Variants in STK10 observed in about 807,000 individuals in gnomAD.
The protein encoded by STK10 is serine/threonine kinase 10, also known as serine/threonine-protein kinase 10.
Under a neutral mutation model 113.8 loss-of-function variants are expected in STK10, and 78 were observed. The observed-to-expected ratio is 0.69, with a 90% confidence interval of 0.57 to 0.83. The LOEUF (loss-of-function observed/expected upper bound fraction) is 0.83. Among genes scored for constraint, STK10 ranks in the 40% least tolerant of loss-of-function variants. The pLI is 0.00. For missense variants in STK10, 1,109 were observed against 1,280.1 expected (o/e 0.87, Z 2.04); for synonymous variants, 465 against 494.7 (o/e 0.94, Z 0.80).
intron 10 of STK10, among the ~76,000 whole-genome samples, chr5:172,088,387 G>A (rs1208657401): frequency 6.6e-6 from 1 of 152,116 alleles, no homozygotes; most frequent in African/African-American, 2.4e-5. Context: ...AGCCGGGCAT[G>A]GTGGCGGGCA....
At chr5:172,152,184 C>G (rs1770248325) in intron 2 of STK10, among the ~76,000 whole-genome samples, 1 of 152,244 alleles carries the variant, frequency 6.6e-6, no homozygotes. Flanking sequence ...TTCATACCGT[C>G]TGTTTCTGCC....
At chr5:172,106,420 G>GAAAAAAAAAAAAAAAAAAAAAAAAAAAAA (rs1416660493) in intron 6 of STK10, among the ~76,000 whole-genome samples, 200 bp downstream of exon 6, 1 of 45,400 alleles carries the variant, frequency 2.2e-5, no homozygotes, top group Non-Finnish European at 5.1e-5. Context: ...AAAAAAAAAG[G>GAAAAAAAAAAAAAAAAAAAAAAAAAAAAA]AACACAAAGG....
At chr5:172,123,195 C>T (rs1448213793) in intron 3 of STK10, among the ~76,000 whole-genome samples, 1 of 152,220 alleles carries the variant, frequency 6.6e-6, no homozygotes, top group African/African-American at 2.4e-5. Flanking sequence ...GGGCAGAAAC[C>T]CCTCTAAGCA....
In STK10 at chr5:172,064,819, C is replaced by G; in HGVS notation, c.1990-7G>C. On this transcript the variant is annotated splice_polypyrimidine_tract_variant and splice_region_variant and intron_variant, in intron 12 of 18. Transcript: ENST00000176763. ...TCTCCACCTCGTTCTTCACCTGCAG[C>G]AGAGACAGCAGAGAGTAGCTGGGTC... 1.9e-6 allele frequency: 3 copies of G among 1,613,990 alleles called. No homozygotes were observed. The highest frequency in any genetic ancestry group is 2.5e-6 in the Non-Finnish European group (3 of 1,180,012).
chr5:172,045,440 C>T (rs528354427), intron 18 of STK10: 10 of 457,066 alleles, frequency 2.2e-5, no homozygotes, highest in African/African-American at 8.0e-5. Flanking sequence ...GTTGAGATTG[C>T]GCCACTGCAC....
At chr5:172,146,167 G>T (rs1770082844) in intron 2 of STK10, among the ~76,000 whole-genome samples, 1 of 152,178 alleles carries the variant, frequency 6.6e-6, no homozygotes, top group South Asian at 2.1e-4. Flanking sequence ...CAGAGGGCAG[G>T]CCTTCGTGTC....
intron 4 of STK10, among the ~76,000 whole-genome samples, chr5:172,112,930 G>C (rs779870309): frequency 4.0e-5 from 6 of 151,606 alleles, no homozygotes; most frequent in Non-Finnish European, 2.9e-5. Context: ...ATTTTTAGTA[G>C]AGACGGGGGG....
At chr5:172,157,902 T>C (rs1185974274) in intron 1 of STK10, among the ~76,000 whole-genome samples, 1 of 152,162 alleles carries the variant, frequency 6.6e-6, no homozygotes, top group Non-Finnish European at 1.5e-5. Context: ...AAAATTTGTT[T>C]AAAATTTATG....
intron 2 of STK10, among the ~76,000 whole-genome samples, chr5:172,141,175 C>T (rs1054220057): frequency 6.6e-6 from 1 of 152,176 alleles, no homozygotes. Flanking sequence ...GATGAATAAG[C>T]TCTGGAGATC....
chr5:172,075,990 C>T (rs1268342536), intron 12 of STK10, among the ~76,000 whole-genome samples: 3 of 138,838 alleles, frequency 2.2e-5, no homozygotes, highest in African/African-American at 5.8e-5. Flanking sequence ...CTATTCTTGT[C>T]TCTTCTTTCA....
intron 18 of STK10, among the ~76,000 whole-genome samples, chr5:172,048,392 T>C (rs1041372840): frequency 4.4e-5 from 6 of 137,170 alleles, no homozygotes; most frequent in Admixed American, 2.2e-4. Context: ...AATAACTAAA[T>C]CAATTTCCCT....
chr5:172,048,025 C>T (rs1412260598), intron 18 of STK10, among the ~76,000 whole-genome samples: 1 of 151,976 alleles, frequency 6.6e-6, no homozygotes, highest in East Asian at 1.9e-4. Flanking sequence ...GCCTCAGCCC[C>T]CCATGTAGCT....
chr5:172,186,274 T>C (rs1770953472), intron 1 of STK10, among the ~76,000 whole-genome samples: 1 of 150,624 alleles, frequency 6.6e-6, no homozygotes, highest in Non-Finnish European at 1.5e-5. Flanking sequence ...AGACTCCGTC[T>C]CACAAAAAAT....
At chr5:172,058,198 T>C (rs1261867237) in intron 14 of STK10, among the ~76,000 whole-genome samples, 1 of 152,196 alleles carries the variant, frequency 6.6e-6, no homozygotes, top group Non-Finnish European at 1.5e-5. Flanking sequence ...ACTGCATTCC[T>C]GTTCCGTGCA....
At chr5:172,183,912 T>A (rs75391470) in intron 1 of STK10, among the ~76,000 whole-genome samples, 1 of 152,276 alleles carries the variant, frequency 6.6e-6, no homozygotes, top group East Asian at 1.9e-4. Flanking sequence ...ACATTAAGGC[T>A]TATCAGGGAG....
chr5:172,062,672 A>G lies in STK10; in HGVS notation c.2083-1404T>C, dbSNP rs1046786749. Among the ~76,000 whole-genome samples the G allele has an allele frequency of 6.6e-5, 10 of 152,372 alleles. No homozygotes were observed. In the South Asian group the frequency reaches 2.1e-3, roughly 32 times the overall value. On this transcript the variant is annotated intron_variant, in intron 13 of 18. Transcript: ENST00000176763. ...AAAAGGACAAATATTCTATGATTCC[A>G]CTTACATGAGGTACCTAGAGTAGTC...
chr5:172,071,815 T>C (rs911381256), intron 12 of STK10, among the ~76,000 whole-genome samples: 1 of 152,194 alleles, frequency 6.6e-6, no homozygotes, highest in African/African-American at 2.4e-5. Flanking sequence ...TACCTAACTT[T>C]CAAAATATTA....
chr5:172,114,474 T>TATATATATATATATATATATATA (rs55784262), intron 4 of STK10: 13 of 25,766 alleles, frequency 5.0e-4, no homozygotes, highest in Admixed American at 6.7e-4. Flanking sequence ...TATATATATA[T>TATATATATATATATATATATATA]TTTTTTTTTT....
intron 2 of STK10, among the ~76,000 whole-genome samples, chr5:172,145,825 G>C (rs1389061557): frequency 6.6e-6 from 1 of 152,188 alleles, no homozygotes; most frequent in Non-Finnish European, 1.5e-5. Context: ...TCAGAACCTG[G>C]TGTCCAGTGA....
Sources: allele counts gnomAD v4.1 joint callset (sites outside exome capture counted in the v4.1 genomes callset), GRCh38; gene constraint gnomAD v4.1.1; transcripts MANE v1.5; gene names NCBI Gene and HGNC (gene_info 2026-07-23, HGNC 2026-07-21).